Variants in ANKRD10 observed in about 807,000 individuals in gnomAD.
ANKRD10 encodes the protein ankyrin repeat domain 10, also known as ankyrin repeat domain-containing protein 10.
In ANKRD10, 14 loss-of-function variants were observed where a neutral mutation model predicts 27.0. The observed-to-expected ratio is 0.52, with a 90% CI of 0.34 to 0.81. The LOEUF is 0.81. Among genes scored for constraint, ANKRD10 ranks in the 40% least tolerant of loss-of-function variants. The pLI is 0.01. For missense variants in ANKRD10, 493 were observed against 544.0 expected (o/e 0.91, Z 0.93); for synonymous variants, 250 against 224.5 (o/e 1.11, Z -1.01).
In ANKRD10 at chr13:110,906,326, C is replaced by T. The variant is rs1285346323; in HGVS notation, c.364-202G>A. Among the ~76,000 whole-genome samples the T allele has an allele frequency of 3.3e-5, 5 of 152,166 alleles. No homozygotes were observed. The South Asian group carries it at 8.3e-4, about 25-fold the overall frequency. ...ACCAGGAGGGGCCAAGATATTTGGT[C>T]GTTGACCAAATATCTTGGGGCCTCT... On this transcript the variant is annotated intron_variant, in intron 2 of 5. Coordinates refer to ENST00000267339, the MANE Select transcript of ANKRD10 (RefSeq NM_017664.4).
At chr13:110,899,503 T>G (rs1481181611) in intron 3 of ANKRD10, among the ~76,000 whole-genome samples, 2 of 152,192 alleles carry the variant, frequency 1.3e-5, no homozygotes, top group Non-Finnish European at 1.5e-5. Flanking sequence ...TGGGAAGAGA[T>G]TTTTAAAACT....
At chr13:110,913,412 T>C (rs1202710932) in intron 1 of ANKRD10, among the ~76,000 whole-genome samples, 6 of 152,226 alleles carry the variant, frequency 3.9e-5, no homozygotes, top group Non-Finnish European at 4.4e-5. Context: ...CCTGGGCACC[T>C]GTTTTCTCCA....
rs566638574 is a variant in ANKRD10, at chr13:110,881,483, G to T, written c.788-1371C>A. ...AATCATCCTTTTTTTTTATATTTAA[G>T]CAACATAGTTTAATAATTGCTATAA... On this transcript the variant is annotated intron_variant, in intron 5 of 5. Coordinates refer to ENST00000267339, the MANE Select transcript of ANKRD10 (RefSeq NM_017664.4). 6.6e-5 allele frequency among the ~76,000 whole-genome samples: 10 copies of T among 151,954 alleles called. No homozygotes were observed. In the East Asian group the frequency reaches 9.7e-4, roughly 15 times the overall value.
chr13:110,895,503 C>T (rs1161529193), intron 3 of ANKRD10, among the ~76,000 whole-genome samples: 1 of 152,078 alleles, frequency 6.6e-6, no homozygotes, highest in African/African-American at 2.4e-5. Flanking sequence ...AGGAGAATCG[C>T]TTGAACCTGG....
At chr13:110,900,733 A>C in intron 3 of ANKRD10, 1 of 1,301,144 alleles carries the variant, frequency 7.7e-7, no homozygotes, top group Non-Finnish European at 1.0e-6. Flanking sequence ...ACAGATTCAG[A>C]ATCTTCTGTG....
chr13:110,883,870 T>C, intron 4 of ANKRD10, 77 bp from the exon 5 acceptor site: 2 of 1,532,730 alleles, frequency 1.3e-6, no homozygotes, highest in Non-Finnish European at 1.8e-6. Context: ...GTTTACATTA[T>C]TTTGTGTGAG....
chr13:110,896,949 TGGGGTA>T (rs2065240805), intron 3 of ANKRD10, among the ~76,000 whole-genome samples: 8 of 150,370 alleles, frequency 5.3e-5, no homozygotes, highest in Non-Finnish European at 8.9e-5. Context: ...TCCTTTATTA[TGGGGTA>T]CATTGTAAAT....
chr13:110,905,095 T>TA (rs2065492209), intron 3 of ANKRD10: 1 of 148,914 alleles, frequency 6.7e-6, no homozygotes. Flanking sequence ...ATGTGGTTTA[T>TA]AATTAATTTT....
chr13:110,910,206 C>A (rs1344070005), intron 2 of ANKRD10, among the ~76,000 whole-genome samples: 1 of 152,252 alleles, frequency 6.6e-6, no homozygotes, highest in Non-Finnish European at 1.5e-5. Flanking sequence ...TGCATCAAGG[C>A]ATCAACTTGT....
At chr13:110,885,545 T>TA (rs923981930) in intron 4 of ANKRD10, among the ~76,000 whole-genome samples, 44 of 147,820 alleles carry the variant, frequency 3.0e-4, no homozygotes, top group East Asian at 7.9e-4. Context: ...AGACTCCATC[T>TA]AAAAAAAAAG....
Position 110,914,859 on chromosome 13 carries a change from G to A in ANKRD10, c.76C>T (p.Leu26=), listed in dbSNP as rs760569742. Residue 26 remains leucine (L), a synonymous_variant, in exon 1 of 6, where the codon CTG becomes TTG. Transcript: ENST00000267339. ...TCCCCGTCGCGGCAGGCGCGGTGCA[G>A]CGGGAAACGGAGCGAGAGCAGCTCC... ...SEELLSLRFP[L]HRACRDGDLA... 17 of 1,559,080 alleles carry A rather than the reference G, an allele frequency of 1.1e-5. No individual in the cohort carries two copies. Among genetic ancestry groups the A allele is most frequent in the African/African-American group, 2.7e-5 (2 of 73,354 alleles).
intron 5 of ANKRD10, among the ~76,000 whole-genome samples, chr13:110,882,814 G>A (rs1177738332): frequency 6.6e-6 from 1 of 151,992 alleles, no homozygotes; most frequent in Non-Finnish European, 1.5e-5. Flanking sequence ...GTGGGTTTGG[G>A]AAACAATATA....
At chr13:110,897,294 C>CT (rs35945478) in intron 3 of ANKRD10, among the ~76,000 whole-genome samples, 59,482 of 127,348 alleles carry the variant, frequency 0.47, 14,112 homozygotes, top group East Asian at 0.7. Flanking sequence ...TGCCTGGCTA[C>CT]TTTTTTTTTT....
chr13:110,914,938 C>G lies in ANKRD10; in HGVS notation c.-4G>C. Reference sequence around the variant, plus strand: ...CGCCCGCTCCCGCCGCCGACATGGTCCGTCACCGGAGAGCGCGGGGCTCGC... The same window carrying G: ...CGCCCGCTCCCGCCGCCGACATGGTGCGTCACCGGAGAGCGCGGGGCTCGC... On this transcript the variant is annotated 5_prime_UTR_variant, in exon 1 of 6. Coordinates refer to ENST00000267339, the MANE Select transcript of ANKRD10 (RefSeq NM_017664.4). The G allele has an allele frequency of 6.5e-7, 1 of 1,531,722 alleles. No individual in the cohort carries two copies. The allele number at this position is 1,531,722 out of a possible 1,614,324, so 94.9% of individuals were successfully genotyped here.
At chr13:110,906,337 T>C (rs1344418654) in intron 2 of ANKRD10, among the ~76,000 whole-genome samples, 2 of 152,090 alleles carry the variant, frequency 1.3e-5, no homozygotes, top group Non-Finnish European at 2.9e-5. Context: ...GTTGACCAAA[T>C]ATCTTGGGGC....
At chr13:110,891,176 A>G (rs1040908307) in intron 4 of ANKRD10, among the ~76,000 whole-genome samples, 3 of 151,784 alleles carry the variant, frequency 2.0e-5, no homozygotes, top group South Asian at 4.1e-4. Flanking sequence ...CTATACAGTG[A>G]CATACAGGGA....
At chr13:110,894,203 CTGTAAAAAAGCA>C in intron 3 of ANKRD10, 1 of 1,607,954 alleles carries the variant, frequency 6.2e-7, no homozygotes, top group Non-Finnish European at 8.5e-7. Flanking sequence ...TGAAATAAAC[CTGTAAAAAAGCA>C]GACATCCTGT....
Position 110,915,061 on chromosome 13 carries a change from G to A in ANKRD10, c.-127C>T, listed in dbSNP as rs1323740502. Reference sequence around the variant, plus strand: ...GGTCGCGTCCCACAGGCTGCCGAGCGGAGCGCGCACAGAGGGGGCGGGGCG... The same window carrying A: ...GGTCGCGTCCCACAGGCTGCCGAGCAGAGCGCGCACAGAGGGGGCGGGGCG... On this transcript the variant is annotated 5_prime_UTR_variant, in exon 1 of 6. Transcript: ENST00000267339. 15 of 1,413,334 alleles carry A rather than the reference G, an allele frequency of 1.1e-5. No individual in the cohort carries two copies. Among genetic ancestry groups the A allele is most frequent in the East Asian group, 2.7e-5 (1 of 36,580 alleles). 87.5% of individuals were successfully genotyped at this position (1,413,334 alleles called of 1,614,324 possible).
chr13:110,906,196 AAC>A (rs1361877128), intron 2 of ANKRD10, 72 bp from the exon 3 acceptor site: 2 of 1,185,974 alleles, frequency 1.7e-6, no homozygotes, highest in African/African-American at 3.0e-5. Context: ...TAATGTCATT[AAC>A]ACAGATCAGA....
Sources: allele counts gnomAD v4.1 joint callset (sites outside exome capture counted in the v4.1 genomes callset), GRCh38; gene constraint gnomAD v4.1.1; transcripts MANE v1.5; gene names NCBI Gene and HGNC (gene_info 2026-07-23, HGNC 2026-07-21).